The following PKD2L2 variants were observed in gnomAD, a reference collection of about 807,000 sequenced individuals.
PKD2L2 encodes the protein polycystin-2-like protein 2.
A neutral mutation model predicts 83.9 loss-of-function variants in PKD2L2; 67 were observed. The observed-to-expected ratio is 0.80, with a 90% CI of 0.66 to 0.98. PKD2L2 has a LOEUF of 0.98. Ranked by LOEUF, PKD2L2 falls within the 50% of genes least tolerant of loss-of-function variation. The probability of loss-of-function intolerance (pLI) is 0.00; values close to 1 mark genes in which losing one functional copy is unlikely to be tolerated. For synonymous variants in PKD2L2, 223 were observed against 237.8 expected (o/e 0.94, Z 0.57); for missense variants, 632 against 717.2 (o/e 0.88, Z 1.36).
intron 12 of PKD2L2, among the ~76,000 whole-genome samples, chr5:137,929,534 CAAAAAAAAA>C (rs756601170): frequency 2.9e-3 from 10 of 3,440 alleles, no homozygotes; most frequent in African/African-American, 9.5e-3. Flanking sequence ...ACAAAATTGC[CAAAAAAAAA>C]AAAAAAAAAA....
chr5:137,893,633 A>G (rs1456743910), intron 3 of PKD2L2, among the ~76,000 whole-genome samples: 1 of 152,220 alleles, frequency 6.6e-6, no homozygotes, highest in African/African-American at 2.4e-5. Context: ...TTGTGAGCAT[A>G]TGGAAGATGA....
intron 5 of PKD2L2, among the ~76,000 whole-genome samples, chr5:137,900,297 T>C (rs1229144607): frequency 1.3e-5 from 2 of 152,214 alleles, no homozygotes; most frequent in Admixed American, 1.3e-4. Flanking sequence ...GTCTCTCCAG[T>C]AAATTGTGTA....
chr5:137,911,804 C>T (rs1444086390), intron 8 of PKD2L2, among the ~76,000 whole-genome samples: 1 of 152,184 alleles, frequency 6.6e-6, no homozygotes, highest in Non-Finnish European at 1.5e-5. Flanking sequence ...TCTCTCAACT[C>T]CCCCTGAACT....
Position 137,899,682 on chromosome 5 carries a change from A to AT in PKD2L2, c.696dup (p.Ile233TyrfsTer2). On this transcript the variant is annotated frameshift_variant, in exon 5 of 15. Transcript: ENST00000508883. LOFTEE classifies it high-confidence loss of function. Reference sequence around the variant, plus strand: ...CTGGATCACAAGAGGGACTAGAGTTATTTTTATTGATTTTTCCTTATATAA... The same window carrying AT: ...CTGGATCACAAGAGGGACTAGAGTTATTTTTTATTGATTTTTCCTTATATAA... 1 of 1,612,268 alleles carries AT rather than the reference A, an allele frequency of 6.2e-7. No homozygotes were observed. Among genetic ancestry groups the AT allele is most frequent in the African/African-American group, 1.3e-5 (1 of 75,006 alleles).
At chr5:137,931,064 G>T (rs928182841) in intron 12 of PKD2L2, among the ~76,000 whole-genome samples, 1 of 152,100 alleles carries the variant, frequency 6.6e-6, no homozygotes, top group African/African-American at 2.4e-5. Flanking sequence ...CTCACTAATA[G>T]ACTTTTTTGT....
chr5:137,932,492 TAA>T (rs2150061147), intron 12 of PKD2L2, among the ~76,000 whole-genome samples: 1 of 152,266 alleles, frequency 6.6e-6, no homozygotes, highest in South Asian at 2.1e-4. Context: ...ACACAGGTAT[TAA>T]AAGACAGAAA....
chr5:137,894,683 G>T, intron 4 of PKD2L2, 74 bp downstream of exon 4: 1 of 1,177,080 alleles, frequency 8.5e-7, no homozygotes, highest in Non-Finnish European at 1.2e-6. Flanking sequence ...TGTCTTCCAA[G>T]TAACACCAGC....
chr5:137,929,449 G>A (rs1412729114), intron 12 of PKD2L2, among the ~76,000 whole-genome samples: 3 of 126,972 alleles, frequency 2.4e-5, no homozygotes, highest in Non-Finnish European at 4.8e-5. Context: ...TGACAAGAGC[G>A]AAACTCCATC....
intron 1 of PKD2L2, 79 bp downstream of exon 1, chr5:137,889,601 C>G (rs908020327): frequency 2.3e-6 from 3 of 1,309,110 alleles, no homozygotes; most frequent in African/African-American, 3.1e-5. Flanking sequence ...CTCTGCGGCC[C>G]CAAATTCGTT....
chr5:137,926,592 T>C (rs1009809848), intron 12 of PKD2L2, among the ~76,000 whole-genome samples: 1 of 152,240 alleles, frequency 6.6e-6, no homozygotes, highest in Non-Finnish European at 1.5e-5. Flanking sequence ...TTTCTAGCTC[T>C]GTCCAATCCA....
chr5:137,925,093 A>G lies in PKD2L2; in HGVS notation c.1605A>G (p.Glu535=). ...KFRLKKAQKD[E]DKKTKGSGDL... ...GACTGAAGAAAGCTCAAAAAGATGA[A>G]GACAAGAAAACGTAAGATGACTTCT... Residue 535 remains glutamate, a synonymous_variant, in exon 11 of 15, where the codon GAA becomes GAG. Coordinates refer to ENST00000508883, the MANE Select transcript of PKD2L2 (RefSeq NM_001300921.2). 1 of 1,597,140 alleles carries G rather than the reference A, an allele frequency of 6.3e-7. No individual in the cohort carries two copies. The highest frequency in any genetic ancestry group is 1.1e-5 in the South Asian group (1 of 90,618).
chr5:137,936,328 T>A lies in PKD2L2; in HGVS notation c.1793T>A (p.Leu598Ter). The A allele has an allele frequency of 6.5e-7, 1 of 1,531,104 alleles. No individual in the cohort carries two copies. Among genetic ancestry groups the A allele is most frequent in the Non-Finnish European group, 8.8e-7 (1 of 1,142,178 alleles). 94.8% of individuals were successfully genotyped at this position (1,531,104 alleles called of 1,614,324 possible). A position where few individuals can be genotyped will look rare whatever the true frequency, so the allele number is the denominator to read the frequency against. Residue 598 changes from leucine (L) to a stop codon, truncating the protein, a stop_gained, in exon 14 of 15, where the codon TTA becomes TAA. Transcript: ENST00000508883. LOFTEE classifies it high-confidence loss of function. ...CCTTCGAAATTTTCTAGACTTTTTT[T>A]ATATGCTGTGGAGCTGGAGAAGGAA... ...VTQEEFRELF[L>*]YAVELEKELH...
intron 5 of PKD2L2, among the ~76,000 whole-genome samples, chr5:137,905,677 T>C (rs1331706007): frequency 6.6e-6 from 1 of 152,192 alleles, no homozygotes; most frequent in African/African-American, 2.4e-5. Flanking sequence ...TAGATCTTTG[T>C]ATCCGCATCC....
At chr5:137,913,193 T>C (rs1387977212) in intron 8 of PKD2L2, among the ~76,000 whole-genome samples, 8 of 147,274 alleles carry the variant, frequency 5.4e-5, no homozygotes, top group South Asian at 2.2e-4. Flanking sequence ...TCTTTTTTTT[T>C]TTTTTTTTTT....
At chr5:137,901,737 A>G (rs1197213661) in intron 5 of PKD2L2, among the ~76,000 whole-genome samples, 1 of 152,206 alleles carries the variant, frequency 6.6e-6, no homozygotes, top group Non-Finnish European at 1.5e-5. Context: ...TCAGGGGATC[A>G]TGAGGACTTT....
chr5:137,924,069 A>G (rs1759165513), intron 10 of PKD2L2, among the ~76,000 whole-genome samples: 3 of 152,170 alleles, frequency 2.0e-5, no homozygotes, highest in Admixed American at 2.0e-4. Context: ...TTTGTGGAAT[A>G]CTTTAAATTC....
intron 14 of PKD2L2, chr5:137,939,793 CA>C (rs1338207279): frequency 4.0e-5 from 46 of 1,144,480 alleles, no homozygotes; most frequent in Non-Finnish European, 5.0e-5. Flanking sequence ...TTCAAATTTT[CA>C]GTCATTCTGT....
chr5:137,927,751 T>A (rs2150053408), intron 12 of PKD2L2, among the ~76,000 whole-genome samples: 1 of 152,348 alleles, frequency 6.6e-6, no homozygotes, highest in East Asian at 1.9e-4. Context: ...AAATTTGGTA[T>A]TTGTTTTTGA....
In PKD2L2 at chr5:137,906,090, T is replaced by TA. The variant is rs201291362; in HGVS notation, c.747-108dup. ...ATTTCCCCAAGGAAAAATACTTTAT[T>TA]AAAAAAAACTGATTATCATTAAAGC... On this transcript the variant is annotated intron_variant, in intron 5 of 14. Coordinates refer to ENST00000508883, the MANE Select transcript of PKD2L2 (RefSeq NM_001300921.2). The TA allele has an allele frequency of 8.2e-4, 506 of 613,620 alleles. 5 individuals are homozygous for TA. The East Asian group carries it at 0.011, about 14-fold the overall frequency. The allele number at this position is 613,620 out of a possible 1,614,324, so 38.0% of individuals were successfully genotyped here. A position where few individuals can be genotyped will look rare whatever the true frequency, so the allele number is the denominator to read the frequency against.
Sources: gnomAD v4.1 joint callset for allele counts (sites outside exome capture counted in the v4.1 genomes callset) on GRCh38, gnomAD v4.1.1 for gene constraint, MANE v1.5 for transcripts, NCBI Gene and HGNC (gene_info 2026-07-23, HGNC 2026-07-21) for gene names.